PPARGC1A: variants seen among roughly 807,000 people sequenced by gnomAD.
PPARGC1A encodes PPARG coactivator 1 alpha, also known as peroxisome proliferator-activated receptor gamma coactivator 1-alpha.
Under a neutral mutation model 88.7 loss-of-function variants are expected in PPARGC1A, and 25 were observed. The ratio of observed to expected loss-of-function variants is 0.28; its 90% confidence interval spans 0.21 to 0.39. PPARGC1A has a LOEUF of 0.39. Ranked by LOEUF, PPARGC1A falls within the 10% of genes least tolerant of loss-of-function variation. The pLI, the probability that PPARGC1A is intolerant of heterozygous loss-of-function variation, is 1.00. For missense variants in PPARGC1A, 880 were observed against 968.7 expected (o/e 0.91, Z 1.22); for synonymous variants, 363 against 355.6 (o/e 1.02, Z -0.24).
At chr4:24,194,568 G>A in the PPARGC1A span, among the ~76,000 whole-genome samples, 61 of 151,626 alleles carry the variant, frequency 4.0e-4, no homozygotes, top group Middle Eastern at 3.4e-3. Flanking sequence ...GGAATAAAAT[G>A]TATGTCAAAA....
the PPARGC1A span, among the ~76,000 whole-genome samples, chr4:24,266,054 C>T: frequency 2.0e-5 from 3 of 152,132 alleles, no homozygotes; most frequent in Non-Finnish European, 2.9e-5. Flanking sequence ...AGGGCTCTGG[C>T]GTTAATGGGA....
chr4:24,387,944 GAA>G, the PPARGC1A span, among the ~76,000 whole-genome samples: 1 of 142,846 alleles, frequency 7.0e-6, no homozygotes, highest in African/African-American at 2.7e-5. Flanking sequence ...GAGAAAGAAA[GAA>G]AGAAAGAAAG....
the PPARGC1A span, among the ~76,000 whole-genome samples, chr4:24,245,224 T>C: frequency 6.6e-6 from 1 of 152,234 alleles, no homozygotes; most frequent in African/African-American, 2.4e-5. Flanking sequence ...GGAATTGAAG[T>C]GATCAAATAC....
At chr4:24,038,250 G>GC in the PPARGC1A span, among the ~76,000 whole-genome samples, 15 of 152,290 alleles carry the variant, frequency 9.8e-5, no homozygotes, top group South Asian at 3.1e-3. Flanking sequence ...ATTGCCTGTA[G>GC]CCCCTCTACA....
the PPARGC1A span, among the ~76,000 whole-genome samples, chr4:23,934,192 G>A: frequency 4.3e-4 from 65 of 152,288 alleles, no homozygotes; most frequent in African/African-American, 1.5e-3. Context: ...CCCTGTCTTG[G>A]TGTAATGCTA....
the PPARGC1A span, among the ~76,000 whole-genome samples, chr4:24,146,731 G>C: frequency 1.3e-5 from 2 of 152,142 alleles, no homozygotes; most frequent in African/African-American, 2.4e-5. Flanking sequence ...GGTTGGAATG[G>C]GGCACTAGGA....
At chr4:24,466,253 G>T in the PPARGC1A span, among the ~76,000 whole-genome samples, 1 of 152,322 alleles carries the variant, frequency 6.6e-6, no homozygotes, top group African/African-American at 2.4e-5. Flanking sequence ...TTATATAAAA[G>T]AAAGTGGGTA....
the PPARGC1A span, among the ~76,000 whole-genome samples, chr4:23,988,892 A>C: frequency 6.8e-6 from 1 of 147,530 alleles, no homozygotes; most frequent in African/African-American, 2.5e-5. Context: ...TATAATACAG[A>C]TTTATATAAA....
intron 6 of PPARGC1A, 40 bp from the exon 7 acceptor site, chr4:23,824,393 G>A: frequency 6.2e-7 from 1 of 1,608,820 alleles, no homozygotes; most frequent in Non-Finnish European, 8.5e-7. Flanking sequence ...AACTGAAATG[G>A]AGTTGCTGTA....
the PPARGC1A span, among the ~76,000 whole-genome samples, chr4:24,432,422 C>T: frequency 0.035 from 5,379 of 152,122 alleles, 157 homozygotes; most frequent in Admixed American, 0.098. Flanking sequence ...GGTAGCTAAC[C>T]GAGGAGAGCA....
At position 23,889,944 on chromosome 4, in the gene PPARGC1A, A is replaced by G. The variant is rs773095749; in HGVS notation, c.14T>C (p.Met5Thr). Residue 5 changes from methionine to threonine, a missense_variant, in exon 1 of 13, where the codon ATG (methionine) becomes ACG (threonine). Coordinates refer to ENST00000264867, the MANE Select transcript of PPARGC1A (RefSeq NM_013261.5). ...TACAGACTCAGAGTCCTGGTTGCAC[A>G]TGTCCCACGCCATCCAGCTCCTGAA... MAWD[M>T]CNQDSESVWS... 6.2e-6 allele frequency: 10 copies of G among 1,613,884 alleles called. No homozygotes were observed. The highest frequency in any genetic ancestry group is 4.5e-5 in the East Asian group (2 of 44,868).
chr4:24,265,805 A>C, the PPARGC1A span, among the ~76,000 whole-genome samples: 1 of 152,118 alleles, frequency 6.6e-6, no homozygotes, highest in Admixed American at 6.6e-5. Flanking sequence ...TGCAGAAAGA[A>C]AGAATCCTTA....
At chr4:24,030,429 T>A in the PPARGC1A span, among the ~76,000 whole-genome samples, 1 of 152,356 alleles carries the variant, frequency 6.6e-6, no homozygotes, top group East Asian at 1.9e-4. Context: ...AAGTTAGATT[T>A]GAGAAGTTAA....
chr4:24,019,141 A>G, the PPARGC1A span, among the ~76,000 whole-genome samples: 9 of 152,318 alleles, frequency 5.9e-5, no homozygotes, highest in Middle Eastern at 3.4e-3. Context: ...CCTATATGCT[A>G]TAATATATTT....
chr4:24,289,371 G>A, the PPARGC1A span, among the ~76,000 whole-genome samples: 2 of 152,260 alleles, frequency 1.3e-5, no homozygotes, highest in East Asian at 1.9e-4. Context: ...TCTCAGGGGA[G>A]AGCTGAACCT....
the PPARGC1A span, among the ~76,000 whole-genome samples, chr4:24,036,052 G>A: frequency 2.0e-5 from 3 of 152,120 alleles, no homozygotes; most frequent in Non-Finnish European, 4.4e-5. Context: ...TCTCTTTGAC[G>A]CTGACTAGCT....
the PPARGC1A span, among the ~76,000 whole-genome samples, chr4:24,191,302 T>G: frequency 2.0e-5 from 3 of 152,230 alleles, no homozygotes; most frequent in African/African-American, 7.2e-5. Context: ...ATACTTGGTC[T>G]CTGAGCTTCC....
the PPARGC1A span, among the ~76,000 whole-genome samples, chr4:23,979,439 A>G: frequency 1.3e-5 from 2 of 152,318 alleles, no homozygotes; most frequent in East Asian, 3.9e-4. Flanking sequence ...TACAATTATT[A>G]GTTTTGCCTT....
At chr4:23,886,023 A>C (rs556782367) in intron 1 of PPARGC1A, among the ~76,000 whole-genome samples, 168 of 152,154 alleles carry the variant, frequency 1.1e-3, no homozygotes, top group Non-Finnish European at 1.8e-3. Context: ...TGAATTGGCT[A>C]CCTAACCGCT....
Sources: allele counts gnomAD v4.1 joint callset (sites outside exome capture counted in the v4.1 genomes callset), GRCh38; gene constraint gnomAD v4.1.1; transcripts MANE v1.5; gene names NCBI Gene and HGNC (gene_info 2026-07-23, HGNC 2026-07-21).